The following RBFOX1 variants were observed in gnomAD, a reference collection of about 807,000 sequenced individuals.
The protein encoded by RBFOX1 is RNA binding fox-1 homolog 1, also known as RNA binding protein fox-1 homolog 1.
In RBFOX1, 8 loss-of-function variants were observed where a neutral mutation model predicts 57.7. That is an observed-to-expected ratio of 0.14 (90% confidence interval 0.08 to 0.25). The LOEUF (loss-of-function observed/expected upper bound fraction) is 0.25. Among genes scored for constraint, RBFOX1 ranks in the 10% least tolerant of loss-of-function variants. The pLI, the probability that RBFOX1 is intolerant of heterozygous loss-of-function variation, is 1.00. For missense variants in RBFOX1, 611 were observed against 548.5 expected (o/e 1.11, Z -1.14); for synonymous variants, 326 against 222.4 (o/e 1.47, Z -4.15).
In RBFOX1 at chr16:5,537,447, G is replaced by C. The variant is rs577830306; in HGVS notation, c.259-61455G>C. Among the ~76,000 whole-genome samples, 37 of 152,354 alleles carry C rather than the reference G, an allele frequency of 2.4e-4. 1 individual carries two copies. The South Asian group carries it at 7.2e-3, about 30-fold the overall frequency. ...TATTATTTTATAGTTATGTAGGCCA[G>C]ACATCTGGCATGGGTCTTACTGGGT... On this transcript the variant is annotated intron_variant, in intron 2 of 2. Transcript: ENST00000585867.
chr16:6,754,893 C>T (rs2075542629), intron 3 of RBFOX1, among the ~76,000 whole-genome samples: 1 of 151,954 alleles, frequency 6.6e-6, no homozygotes, highest in South Asian at 2.1e-4. Flanking sequence ...TGTGATGTTC[C>T]CCTTGCTGTG....
At chr16:5,378,113 A>T (rs1001717677) in intron 1 of RBFOX1, among the ~76,000 whole-genome samples, 25 of 151,572 alleles carry the variant, frequency 1.6e-4, no homozygotes, top group Non-Finnish European at 3.4e-4. Flanking sequence ...GGGGAATAAA[A>T]GGCAAATAAG....
chr16:5,618,809 G>A (rs1000584575), intron 3 of RBFOX1, among the ~76,000 whole-genome samples: 3 of 152,220 alleles, frequency 2.0e-5, no homozygotes, highest in Admixed American at 1.3e-4. Flanking sequence ...ACTTAAAAGC[G>A]TTAAAAGGCA....
intron 2 of RBFOX1, among the ~76,000 whole-genome samples, chr16:6,449,589 A>C (rs1597395790): frequency 6.6e-6 from 1 of 152,266 alleles, no homozygotes; most frequent in Non-Finnish European, 1.5e-5. Flanking sequence ...ACAGAGCCTT[A>C]TGATGGGCAC....
intron 1 of RBFOX1, among the ~76,000 whole-genome samples, chr16:6,255,789 G>T (rs1598866945): frequency 1.3e-5 from 2 of 152,054 alleles, no homozygotes; most frequent in South Asian, 4.2e-4. Flanking sequence ...ACTAACACAG[G>T]AACAAAAAAC....
At chr16:6,721,733 T>C (rs1194294110) in intron 3 of RBFOX1, 2 of 152,152 alleles carry the variant, frequency 1.3e-5, no homozygotes, top group Non-Finnish European at 2.9e-5. Context: ...AATGTATTTG[T>C]TTAATTAATT....
chr16:6,614,688 G>C (rs189170070), intron 2 of RBFOX1, among the ~76,000 whole-genome samples: 1 of 152,238 alleles, frequency 6.6e-6, no homozygotes, highest in East Asian at 1.9e-4. Flanking sequence ...ACAGTCTTTG[G>C]TGTTCCTCGG....
intron 1 of RBFOX1, among the ~76,000 whole-genome samples, chr16:5,389,169 C>G (rs891279209): frequency 4.0e-5 from 6 of 149,624 alleles, no homozygotes; most frequent in South Asian, 4.3e-4. Flanking sequence ...CCAGCCTGGG[C>G]GACAGAGCGA....
intron 2 of RBFOX1, among the ~76,000 whole-genome samples, chr16:6,518,827 CTA>C (rs2096442297): frequency 3.1e-5 from 4 of 129,472 alleles, no homozygotes; most frequent in African/African-American, 5.7e-5. Flanking sequence ...ATCTATCTAT[CTA>C]TCTATCTATC....
chr16:7,625,911 T>C (rs1282399219), intron 10 of RBFOX1, among the ~76,000 whole-genome samples: 3 of 152,190 alleles, frequency 2.0e-5, no homozygotes, highest in African/African-American at 7.2e-5. Flanking sequence ...CTCATGAGGA[T>C]AGGAAGATAA....
At chr16:6,783,295 C>T (rs2081338173) in intron 3 of RBFOX1, among the ~76,000 whole-genome samples, 1 of 150,442 alleles carries the variant, frequency 6.6e-6, no homozygotes. Flanking sequence ...TTGTTGTTGT[C>T]ATTTTGTTAG....
chr16:7,236,779 G>T (rs1210428704), intron 4 of RBFOX1, among the ~76,000 whole-genome samples: 2 of 152,132 alleles, frequency 1.3e-5, no homozygotes, highest in Non-Finnish European at 1.5e-5. Context: ...AATGCAGTCA[G>T]TGATAAGGCA....
chr16:7,637,016 G>A (rs1358931653), intron 11 of RBFOX1, among the ~76,000 whole-genome samples: 1 of 152,156 alleles, frequency 6.6e-6, no homozygotes, highest in Non-Finnish European at 1.5e-5. Flanking sequence ...AATTTGAGTG[G>A]AGAGGACATA....
intron 5 of RBFOX1, among the ~76,000 whole-genome samples, chr16:7,558,390 A>G (rs189977957): frequency 1.3e-5 from 2 of 152,054 alleles, no homozygotes; most frequent in South Asian, 4.2e-4. Flanking sequence ...ACGCGCACAC[A>G]CTCACACACA....
At chr16:7,304,715 T>C (rs2096130123) in intron 4 of RBFOX1, among the ~76,000 whole-genome samples, 1 of 152,192 alleles carries the variant, frequency 6.6e-6, no homozygotes, top group African/African-American at 2.4e-5. Context: ...ATGCCCAGCC[T>C]GGGCACCGGA....
At chr16:7,333,083 A>AT in intron 4 of RBFOX1, 1 of 1,613,576 alleles carries the variant, frequency 6.2e-7, no homozygotes, top group Non-Finnish European at 8.5e-7. Flanking sequence ...TCCTGGACTG[A>AT]TTCAGGTAAT....
chr16:7,550,522 T>C (rs2086032436), intron 5 of RBFOX1, among the ~76,000 whole-genome samples: 1 of 152,162 alleles, frequency 6.6e-6, no homozygotes, highest in Non-Finnish European at 1.5e-5. Flanking sequence ...GACCAAATTA[T>C]TAAATTATCA....
chr16:6,360,453 A>T (rs183133718), intron 2 of RBFOX1, among the ~76,000 whole-genome samples: 4 of 152,170 alleles, frequency 2.6e-5, no homozygotes, highest in Non-Finnish European at 5.9e-5. Flanking sequence ...TGGAAAAAAA[A>T]ATGTCCAAGT....
chr16:6,757,299 A>G (rs1229663399), intron 3 of RBFOX1, among the ~76,000 whole-genome samples: 21 of 152,176 alleles, frequency 1.4e-4, no homozygotes, highest in Admixed American at 1.4e-3. Flanking sequence ...CACTGTGGAT[A>G]TTTACCCAGA....
Sources: allele counts gnomAD v4.1 joint callset (sites outside exome capture counted in the v4.1 genomes callset), GRCh38; gene constraint gnomAD v4.1.1; transcripts MANE v1.5; gene names NCBI Gene and HGNC (gene_info 2026-07-23, HGNC 2026-07-21).